Variants in CLCN3 observed in about 807,000 individuals in gnomAD.
The protein encoded by CLCN3 is Cl-/H+ antiporter 3.
A neutral mutation model predicts 83.4 loss-of-function variants in CLCN3; 16 were observed. The ratio of observed to expected loss-of-function variants is 0.19; its 90% CI spans 0.13 to 0.29. The LOEUF (loss-of-function observed/expected upper bound fraction) is 0.29, where lower values mean the gene tolerates loss of function less well. Among genes scored for constraint, CLCN3 ranks in the 10% least tolerant of loss-of-function variants. CLCN3 has a pLI of 1.00. For synonymous variants in CLCN3, 322 were observed against 346.2 expected (o/e 0.93, Z 0.78); for missense variants, 544 against 1,006.0 (o/e 0.54, Z 6.21).
chr4:169,709,761 C>T (rs1733138048), intron 11 of CLCN3, among the ~76,000 whole-genome samples: 1 of 151,640 alleles, frequency 6.6e-6, no homozygotes, highest in Admixed American at 6.6e-5. Context: ...ATGAATAGCA[C>T]TAAAAATATT....
intron 12 of CLCN3, among the ~76,000 whole-genome samples, chr4:169,713,852 A>T (rs1733320879): frequency 6.6e-6 from 1 of 152,204 alleles, no homozygotes; most frequent in African/African-American, 2.4e-5. Context: ...CTATACACAA[A>T]TCTTTTATAT....
At chr4:169,627,338 C>T (rs1034500998) in intron 1 of CLCN3, among the ~76,000 whole-genome samples, 2 of 152,126 alleles carry the variant, frequency 1.3e-5, no homozygotes, top group Admixed American at 6.6e-5. Context: ...CAATATTTTG[C>T]TAAAATATTC....
intron 2 of CLCN3, among the ~76,000 whole-genome samples, chr4:169,677,159 A>G (rs1581237127): frequency 6.6e-6 from 1 of 151,970 alleles, no homozygotes; most frequent in Non-Finnish European, 1.5e-5. Context: ...ATATTATAAT[A>G]TATTGCACCT....
At chr4:169,702,606 T>G (rs1205765068) in intron 9 of CLCN3, among the ~76,000 whole-genome samples, 2 of 151,946 alleles carry the variant, frequency 1.3e-5, no homozygotes, top group Non-Finnish European at 2.9e-5. Context: ...AAAAAGTCTT[T>G]GATTACTCTC....
At chr4:169,670,574 C>T (rs921542658) in intron 2 of CLCN3, among the ~76,000 whole-genome samples, 2 of 152,110 alleles carry the variant, frequency 1.3e-5, no homozygotes, top group Non-Finnish European at 2.9e-5. Flanking sequence ...GTTATTTTTG[C>T]TTAGGATTGT....
intron 11 of CLCN3, among the ~76,000 whole-genome samples, chr4:169,708,202 A>G (rs1034977864): frequency 1.3e-5 from 2 of 152,214 alleles, no homozygotes; most frequent in Non-Finnish European, 2.9e-5. Context: ...GGATTTAAAA[A>G]TAATTTTTGT....
chr4:169,684,873 C>G (rs748030934), intron 3 of CLCN3, among the ~76,000 whole-genome samples: 4 of 152,072 alleles, frequency 2.6e-5, no homozygotes, highest in African/African-American at 4.8e-5. Context: ...ATAACAGTAC[C>G]AACACCATCT....
At chr4:169,698,801 G>A (rs1732667172) in intron 9 of CLCN3, among the ~76,000 whole-genome samples, 1 of 152,190 alleles carries the variant, frequency 6.6e-6, no homozygotes, top group African/African-American at 2.4e-5. Context: ...TGTTCGTAGG[G>A]CATTCTGGAG....
chr4:169,679,958 C>A lies in CLCN3; in HGVS notation c.161-92C>A, dbSNP rs567704178. 5.0e-6 allele frequency: 5 copies of A among 1,006,972 alleles called. No homozygotes were observed. The African/African-American group carries it at 8.0e-5, about 16-fold the overall frequency. 62.4% of individuals were successfully genotyped at this position (1,006,972 alleles called of 1,614,324 possible). A position where few individuals can be genotyped will look rare whatever the true frequency, so the allele number is the denominator to read the frequency against. ...CGAGGGAGAGGGAGAGGGATTATTT[C>A]TGTATGACTTAATAATGAATTTCTA... On this transcript the variant is annotated intron_variant, in intron 2 of 12. Transcript: ENST00000513761.
intron 5 of CLCN3, among the ~76,000 whole-genome samples, 195 bp from the exon 6 acceptor site, chr4:169,690,335 G>A (rs573063738): frequency 9.2e-4 from 140 of 152,026 alleles, no homozygotes; most frequent in African/African-American, 3.1e-3. Context: ...TAATAGCAAC[G>A]GGGTTTCACC....
At chr4:169,679,933 C>T (rs944920566) in intron 2 of CLCN3, 117 bp from the exon 3 acceptor site, 18 of 791,040 alleles carry the variant, frequency 2.3e-5, no homozygotes, top group South Asian at 4.6e-5. Context: ...GAGGTGGAGA[C>T]GAGGGAGAGG....
At position 169,655,775 on chromosome 4, in the gene CLCN3, G is replaced by T. The variant is rs139221496; in HGVS notation, c.160+19687G>T. ...CCTGCCTCAGCCTCCAGAGTGCAGG[G>T]ATTATAGGCATGAGCCGCCATGCCT... On this transcript the variant is annotated intron_variant, in intron 2 of 12. Transcript: ENST00000513761. Among the ~76,000 whole-genome samples, 434 of 152,272 alleles carry T rather than the reference G, an allele frequency of 2.9e-3. 1 individual carries two copies. Among genetic ancestry groups the T allele is most frequent in the Middle Eastern group, 6.8e-3 (2 of 294 alleles).
intron 12 of CLCN3, among the ~76,000 whole-genome samples, chr4:169,719,228 A>G (rs1401812758): frequency 6.6e-6 from 1 of 152,216 alleles, no homozygotes; most frequent in East Asian, 1.9e-4. Context: ...GCACTTTGGG[A>G]GGCCGGGACG....
chr4:169,677,394 CTA>C (rs1183676780), intron 2 of CLCN3, among the ~76,000 whole-genome samples: 2 of 152,170 alleles, frequency 1.3e-5, no homozygotes, highest in East Asian at 1.9e-4. Context: ...AACATATTGT[CTA>C]TGATTTATTT....
intron 2 of CLCN3, chr4:169,660,385 G>A: frequency 1.4e-6 from 2 of 1,400,698 alleles, no homozygotes; most frequent in Non-Finnish European, 9.2e-7. Context: ...TGCTTCTTCC[G>A]ACCCTTATTT....
intron 2 of CLCN3, among the ~76,000 whole-genome samples, chr4:169,642,223 C>T (rs1328607467): frequency 6.6e-6 from 1 of 152,036 alleles, no homozygotes; most frequent in Admixed American, 6.6e-5. Context: ...TGTGATCCAC[C>T]ATGCCCGATT....
intron 6 of CLCN3, among the ~76,000 whole-genome samples, chr4:169,691,082 T>G (rs1246846721): frequency 6.6e-6 from 1 of 152,084 alleles, no homozygotes. Flanking sequence ...CACTGCAACC[T>G]CTGCGTCCCA....
At chr4:169,628,954 A>T (rs532115385) in intron 1 of CLCN3, among the ~76,000 whole-genome samples, 61 of 152,320 alleles carry the variant, frequency 4.0e-4, no homozygotes, top group South Asian at 8.3e-4. Flanking sequence ...ATCATAGACT[A>T]CTCTGATAAA....
intron 2 of CLCN3, among the ~76,000 whole-genome samples, chr4:169,668,948 G>A (rs1359946456): frequency 1.3e-5 from 2 of 152,052 alleles, no homozygotes; most frequent in Non-Finnish European, 1.5e-5. Flanking sequence ...GGATCTATGT[G>A]TTTTCTTTAG....
Sources: allele counts gnomAD v4.1 joint callset (sites outside exome capture counted in the v4.1 genomes callset), GRCh38; gene constraint gnomAD v4.1.1; transcripts MANE v1.5; gene names NCBI Gene and HGNC (gene_info 2026-07-23, HGNC 2026-07-21).